CMTM6: variants seen among roughly 807,000 people sequenced by gnomAD.
The protein encoded by CMTM6 is CKLF-like MARVEL transmembrane domain-containing protein 6.
A neutral mutation model predicts 13.6 loss-of-function variants in CMTM6; 5 were observed. That is an observed-to-expected ratio of 0.37 (90% CI 0.19 to 0.77). The LOEUF is 0.77. Among genes scored for constraint, CMTM6 ranks in the 30% least tolerant of loss-of-function variants. CMTM6 has a pLI of 0.50. For synonymous variants in CMTM6, 99 were observed against 84.5 expected (o/e 1.17, Z -0.94); for missense variants, 196 against 218.6 (o/e 0.90, Z 0.65).
chr3:32,482,847 T>C lies in CMTM6; in HGVS notation c.*1113A>G, dbSNP rs949965108. The C allele has an allele frequency of 6.7e-5, 10 of 148,618 alleles. No homozygotes were observed. The allele number at this position is 148,618 out of a possible 1,614,324, so 9.2% of individuals were successfully genotyped here. A position where few individuals can be genotyped will look rare whatever the true frequency, so the allele number is the denominator to read the frequency against. The stretch of plus-strand genomic sequence containing the variant: ...AGATTCAGGACCACCTAAAGACAAC[T>C]GACAAAAAGTGTCAGAGCCAGAGGC... On this transcript the variant is annotated 3_prime_UTR_variant, in exon 4 of 4. Transcript: ENST00000205636.
At chr3:32,495,221 T>C (rs977731657) in intron 1 of CMTM6, among the ~76,000 whole-genome samples, 11 of 152,214 alleles carry the variant, frequency 7.2e-5, no homozygotes, top group Non-Finnish European at 1.3e-4. Flanking sequence ...TTACATTCTC[T>C]GATTTCCTGT....
rs1697357498 is a variant in CMTM6 at position 32,502,692 on chromosome 3, G to A, written c.54C>T (p.Ala18=). The A allele has an allele frequency of 6.3e-7, 1 of 1,585,842 alleles. No individual in the cohort carries two copies. ...SPTTEEDPGP[A]RGPRSGLAAY... is the part of the protein sequence containing the mutation. ...CAGCGAGGCCGCTCCGGGGGCCTCT[G>A]GCGGGGCCCGGGTCCTCCTCCGTAG... Residue 18 remains alanine (A), a synonymous_variant, in exon 1 of 4, where the codon GCC becomes GCT. Coordinates refer to ENST00000205636, the MANE Select transcript of CMTM6 (RefSeq NM_017801.3).
At chr3:32,485,559 T>C (rs1697196224) in intron 3 of CMTM6, among the ~76,000 whole-genome samples, 1 of 152,184 alleles carries the variant, frequency 6.6e-6, no homozygotes, top group Non-Finnish European at 1.5e-5. Flanking sequence ...CATTATTTTA[T>C]TGATCACCAT....
rs752715866 is a variant in CMTM6, at chr3:32,483,038, T to C, written c.*922A>G. 6.5e-6 allele frequency: 1 copy of C among 152,676 alleles called. No individual in the cohort carries two copies. The highest frequency in any genetic ancestry group is 1.5e-5 in the Non-Finnish European group (1 of 68,048). The allele number at this position is 152,676 out of a possible 1,614,324, so 9.5% of individuals were successfully genotyped here. ...AAGACCCACAGAGCTGTATTAATTT[T>C]AGTAAAAATAATCATATGCCAACAG... On this transcript the variant is annotated 3_prime_UTR_variant, in exon 4 of 4. Coordinates refer to ENST00000205636, the MANE Select transcript of CMTM6 (RefSeq NM_017801.3).
chr3:32,483,971 G>A lies in CMTM6; in HGVS notation c.541C>T (p.Leu181Phe). The change falls in exon 4 of 4, where the codon CTT (leucine) becomes TTT (phenylalanine). Residue 181 changes from leucine to phenylalanine, a missense_variant. Physicochemically the swap from Leu to Phe is conservative, Grantham distance 22. Coordinates refer to ENST00000205636, the MANE Select transcript of CMTM6 (RefSeq NM_017801.3). The part of the protein sequence containing the change: ...TTRAEALTEP[L>F]NA ...GCTCCCCAGAGTCTTTAGGCATTAA[G>A]TGGCTCAGTGAGGGCTTCAGCCCTA... The A allele has an allele frequency of 1.2e-6, 2 of 1,603,196 alleles. No homozygotes were observed. Among genetic ancestry groups the A allele is most frequent in the Non-Finnish European group, 1.7e-6 (2 of 1,176,332 alleles).
chr3:32,497,857 CAAAA>C (rs5847769), intron 1 of CMTM6, among the ~76,000 whole-genome samples: 2 of 116,846 alleles, frequency 1.7e-5, no homozygotes, highest in African/African-American at 6.2e-5. Flanking sequence ...GGCTTCGTCT[CAAAA>C]AAAAAAAAAA....
Position 32,502,804 on chromosome 3 carries a change from C to T in CMTM6, c.-59G>A, listed in dbSNP as rs1697360069. ...ACCGCGCCGTTGACTTCTCGGACTC[C>T]AGAAGTCCCCGGTAGCCGGGAGGCG... On this transcript the variant is annotated 5_prime_UTR_variant, in exon 1 of 4. Transcript: ENST00000205636. 2 of 1,369,822 alleles carry T rather than the reference C, an allele frequency of 1.5e-6. No individual in the cohort carries two copies. Among genetic ancestry groups the T allele is most frequent in the African/African-American group, 1.5e-5 (1 of 65,310 alleles). 84.9% of individuals were successfully genotyped at this position (1,369,822 alleles called of 1,614,324 possible).
intron 3 of CMTM6, 143 bp from the exon 4 acceptor site, chr3:32,484,240 AT>A (rs921077212): frequency 1.7e-6 from 1 of 577,628 alleles, no homozygotes; most frequent in Non-Finnish European, 2.7e-6. Flanking sequence ...GGTAAAAAAA[AT>A]TTTTTTAAGT....
chr3:32,483,087 C>G lies in CMTM6; in HGVS notation c.*873G>C, dbSNP rs964706457. On this transcript the variant is annotated 3_prime_UTR_variant, in exon 4 of 4. Transcript: ENST00000205636. The stretch of plus-strand genomic sequence containing the variant: ...AGGGGAATTGAACCACTTTCTAAAT[C>G]ATAGTATGAACTCATCTCTTCAGAT... The G allele has an allele frequency of 6.6e-6, 1 of 152,622 alleles. No individual in the cohort carries two copies. Among genetic ancestry groups the G allele is most frequent in the African/African-American group, 2.4e-5 (1 of 41,430 alleles). 9.5% of individuals were successfully genotyped at this position (152,622 alleles called of 1,614,324 possible).
At chr3:32,501,028 T>A (rs1697339828) in intron 1 of CMTM6, among the ~76,000 whole-genome samples, 2 of 136,776 alleles carry the variant, frequency 1.5e-5, no homozygotes, top group Admixed American at 1.4e-4. Context: ...AAACCCCGTC[T>A]CTACCAAAAA....
chr3:32,493,601 G>A (rs1337409182), intron 1 of CMTM6, among the ~76,000 whole-genome samples: 1 of 152,060 alleles, frequency 6.6e-6, no homozygotes, highest in Non-Finnish European at 1.5e-5. Flanking sequence ...AGAGTGGGAG[G>A]GTGAGATGAC....
In CMTM6 at chr3:32,482,529, G is replaced by C. The variant is rs1575135806; in HGVS notation, c.*1431C>G. 6.6e-6 allele frequency: 1 copy of C among 152,226 alleles called. No homozygotes were observed. Among genetic ancestry groups the C allele is most frequent in the East Asian group, 1.9e-4 (1 of 5,186 alleles). 9.4% of individuals were successfully genotyped at this position (152,226 alleles called of 1,614,324 possible). ...ACTAGAGTCCCAAGTCAAAACTCTA[G>C]GAGGAGGATAAGAAAGGTCTAGTCT... On this transcript the variant is annotated 3_prime_UTR_variant, in exon 4 of 4. Coordinates refer to ENST00000205636, the MANE Select transcript of CMTM6 (RefSeq NM_017801.3).
At chr3:32,486,937 A>G (rs1387162901) in intron 3 of CMTM6, among the ~76,000 whole-genome samples, 1 of 152,170 alleles carries the variant, frequency 6.6e-6, no homozygotes, top group Admixed American at 6.5e-5. Flanking sequence ...GCCTTCTGCC[A>G]TGACTGTAAA....
At position 32,502,821 on chromosome 3, in the gene CMTM6, C is replaced by A; in HGVS notation, c.-76G>T. 4.4e-6 allele frequency: 6 copies of A among 1,350,322 alleles called. No individual in the cohort carries two copies. In the South Asian group the frequency reaches 1.0e-4, roughly 23 times the overall value. The allele number at this position is 1,350,322 out of a possible 1,614,324, so 83.6% of individuals were successfully genotyped here. On this transcript the variant is annotated 5_prime_UTR_variant, in exon 1 of 4. Transcript: ENST00000205636. Reference sequence around the variant, plus strand: ...TCGGACTCCAGAAGTCCCCGGTAGCCGGGAGGCGGCCGTCACTTCCTGGGC... The same window carrying A: ...TCGGACTCCAGAAGTCCCCGGTAGCAGGGAGGCGGCCGTCACTTCCTGGGC...
intron 3 of CMTM6, among the ~76,000 whole-genome samples, chr3:32,486,063 A>C (rs1478313448): frequency 6.6e-6 from 1 of 152,176 alleles, no homozygotes; most frequent in African/African-American, 2.4e-5. Context: ...TTTTTAGTAG[A>C]GACAAGCTTT....
Position 32,502,782 on chromosome 3 carries a change from G to C in CMTM6, c.-37C>G, listed in dbSNP as rs1396320467. ...GGGGAGCGCGGCGGCCGCAGCAACCGCGCCGTTGACTTCTCGGACTCCAGA... is the reference window on the plus strand; with the variant it reads ...GGGGAGCGCGGCGGCCGCAGCAACCCCGCCGTTGACTTCTCGGACTCCAGA... On this transcript the variant is annotated 5_prime_UTR_variant, in exon 1 of 4. Transcript: ENST00000205636. 1.4e-6 allele frequency: 2 copies of C among 1,399,204 alleles called. No individual in the cohort carries two copies. Among genetic ancestry groups the C allele is most frequent in the Non-Finnish European group, 1.9e-6 (2 of 1,076,620 alleles). 86.7% of individuals were successfully genotyped at this position (1,399,204 alleles called of 1,614,324 possible). A position where few individuals can be genotyped will look rare whatever the true frequency, so the allele number is the denominator to read the frequency against.
At chr3:32,490,235 G>A (rs1697239921) in intron 2 of CMTM6, among the ~76,000 whole-genome samples, 5 of 144,616 alleles carry the variant, frequency 3.5e-5, no homozygotes, top group Admixed American at 2.8e-4. Flanking sequence ...AACACAGCAA[G>A]ACTTCTCAAA....
chr3:32,483,069 T>A lies in CMTM6; in HGVS notation c.*891A>T, dbSNP rs559940208. On this transcript the variant is annotated 3_prime_UTR_variant, in exon 4 of 4. Transcript: ENST00000205636. ...AAATAATCATATGCCAACAGGGGAA[T>A]TGAACCACTTTCTAAATCATAGTAT... 2.6e-5 allele frequency: 4 copies of A among 152,648 alleles called. No homozygotes were observed. The highest frequency in any genetic ancestry group is 2.1e-4 in the South Asian group (1 of 4,832). The allele number at this position is 152,648 out of a possible 1,614,324, so 9.5% of individuals were successfully genotyped here. A position where few individuals can be genotyped will look rare whatever the true frequency, so the allele number is the denominator to read the frequency against.
In CMTM6 at chr3:32,497,179, C is replaced by G. The variant is rs569867006; in HGVS notation, c.139-5293G>C. ...TGGGCGGATCACGAGGTCAGGAGAT[C>G]AAGACCATCCTGGCTAACATGGTGA... On this transcript the variant is annotated intron_variant, in intron 1 of 3. Transcript: ENST00000205636. 2.4e-4 allele frequency among the ~76,000 whole-genome samples: 36 copies of G among 150,332 alleles called. No individual in the cohort carries two copies. In the East Asian group the frequency reaches 6.6e-3, roughly 28 times the overall value.
Sources: gnomAD v4.1 joint callset for allele counts (sites outside exome capture counted in the v4.1 genomes callset) on GRCh38, gnomAD v4.1.1 for gene constraint, MANE v1.5 for transcripts, NCBI Gene and HGNC (gene_info 2026-07-23, HGNC 2026-07-21) for gene names.